The following SLC38A7 variants were observed in gnomAD, a reference collection of about 807,000 sequenced individuals.
The protein encoded by SLC38A7 is sodium-coupled neutral amino acid transporter 7.
In SLC38A7, 29 loss-of-function variants were observed where a neutral mutation model predicts 50.1. The observed-to-expected ratio is 0.58, with a 90% CI of 0.43 to 0.79. SLC38A7 has a LOEUF of 0.79. Ranked by LOEUF, SLC38A7 falls within the 30% of genes least tolerant of loss-of-function variation. The pLI is 0.00. For synonymous variants in SLC38A7, 244 were observed against 245.9 expected (o/e 0.99, Z 0.07); for missense variants, 483 against 610.6 (o/e 0.79, Z 2.20).
rs773478418 is a variant in SLC38A7, at chr16:58,671,173, C to T, written c.1103G>A (p.Arg368Gln). Residue 368 changes from arginine (R) to glutamine (Q), a missense_variant, in exon 10 of 12, where the codon CGG becomes CAG. Arg to Gln is a conservative substitution (Grantham distance 43). Transcript: ENST00000219320. ...GACCAGCGTCTGCAGCACTCGCCGC[C>T]GCCGCTCCCGCCCCACGTCCTCCTC... The part of the protein sequence containing the change: ...PVEEDVGRER[R>Q]RRVLQTLVWF... 26 of 1,613,806 alleles carry T rather than the reference C, an allele frequency of 1.6e-5. No individual in the cohort carries two copies. The East Asian group carries it at 4.2e-4, about 26-fold the overall frequency.
At chr16:58,668,990 G>A (rs938732932) in intron 11 of SLC38A7, among the ~76,000 whole-genome samples, 4 of 151,508 alleles carry the variant, frequency 2.6e-5, no homozygotes, top group African/African-American at 9.7e-5. Context: ...GGCTGGTCTC[G>A]AACTCCTGAC....
Position 58,678,270 on chromosome 16 carries a change from CCCT to C in SLC38A7, c.611+60_611+62del. On this transcript the variant is annotated intron_variant, in intron 5 of 11. Transcript: ENST00000219320. This position sits in a 1 kb window ranked among gnomAD's most constrained non-coding sequence, Gnocchi z 4.0. ...ATGGAGGAGCAGGGTTCCCCAGGAG[CCCT>C]TGGGTCTACAGCTGCCCAGGATCAT... 6.9e-7 allele frequency: 1 copy of C among 1,459,640 alleles called. No homozygotes were observed. The highest frequency in any genetic ancestry group is 9.1e-7 in the Non-Finnish European group (1 of 1,102,126). The allele number at this position is 1,459,640 out of a possible 1,614,324, so 90.4% of individuals were successfully genotyped here.
At position 58,680,007 on chromosome 16, in the gene SLC38A7, T is replaced by C; in HGVS notation, c.120A>G (p.Glu40=). 1.2e-6 allele frequency: 2 copies of C among 1,611,738 alleles called. No individual in the cohort carries two copies. Among genetic ancestry groups the C allele is most frequent in the Non-Finnish European group, 1.7e-6 (2 of 1,178,726 alleles). ...CVDTAPKSEW[E]ASPGGLDRGT... ...CTCTGTCCAGACCCCCAGGAGAGGCTTCCCACTCACTCTTGGGGGCTGTGT... is the reference window on the plus strand; with the variant it reads ...CTCTGTCCAGACCCCCAGGAGAGGCCTCCCACTCACTCTTGGGGGCTGTGT... Residue 40 remains glutamate (E), a synonymous_variant, in exon 3 of 12, where the codon GAA becomes GAG. Coordinates refer to ENST00000219320, the MANE Select transcript of SLC38A7 (RefSeq NM_018231.3).
At chr16:58,679,034 G>T in intron 3 of SLC38A7, 140 bp from the exon 4 acceptor site, 1 of 800,648 alleles carries the variant, frequency 1.2e-6, no homozygotes, top group Non-Finnish European at 1.9e-6. Flanking sequence ...GACTGCTAGA[G>T]GATGCCGAGT....
At chr16:58,675,045 A>T (rs1028537684) in intron 8 of SLC38A7, among the ~76,000 whole-genome samples, 5 of 151,930 alleles carry the variant, frequency 3.3e-5, no homozygotes. Flanking sequence ...AGCCACATAG[A>T]CTTTCTTCCT....
In SLC38A7 at chr16:58,684,081, TTGC is replaced by T. The variant is rs1389196361; in HGVS notation, c.-245_-243del. 1 of 152,352 alleles carries T rather than the reference TTGC, an allele frequency of 6.6e-6. No individual in the cohort carries two copies. Among genetic ancestry groups the T allele is most frequent in the African/African-American group, 2.4e-5 (1 of 41,460 alleles). The allele number at this position is 152,352 out of a possible 1,614,324, so 9.4% of individuals were successfully genotyped here. On this transcript the variant is annotated 5_prime_UTR_variant, in exon 2 of 12. Coordinates refer to ENST00000219320, the MANE Select transcript of SLC38A7 (RefSeq NM_018231.3). ...TCTTTCTCAAGACTTTGCCTAAAAT[TTGC>T]TGTCAGCAGAGGGAAGAGTTTGGGC...
At chr16:58,677,484 C>T in intron 5 of SLC38A7, 60 bp from the exon 6 acceptor site, 1 of 1,451,444 alleles carries the variant, frequency 6.9e-7, no homozygotes, top group Non-Finnish European at 9.7e-7. Flanking sequence ...TGATTCCACC[C>T]CTAGGGACAT....
In SLC38A7 at chr16:58,675,943, T is replaced by C. The variant is rs1341670520; in HGVS notation, c.880A>G (p.Thr294Ala). 1.2e-6 allele frequency: 2 copies of C among 1,608,938 alleles called. No individual in the cohort carries two copies. Among genetic ancestry groups the C allele is most frequent in the South Asian group, 1.1e-5 (1 of 90,272 alleles). ...CTTGGGGGGGGGGAGCACTCACCTGTCCCCATGTAGACAGCGAGGGCTATG... is the reference window on the plus strand; with the variant it reads ...CTTGGGGGGGGGGAGCACTCACCTGCCCCCATGTAGACAGCGAGGGCTATG... ...MVIALAVYMG[T>A]GICGFLTFGA... Residue 294 changes from threonine to alanine, a missense_variant, in exon 8 of 12, where the codon ACA becomes GCA. Thr to Ala is a moderately conservative substitution (Grantham distance 58). Coordinates refer to ENST00000219320, the MANE Select transcript of SLC38A7 (RefSeq NM_018231.3).
chr16:58,683,375 T>C (rs1270204713), intron 2 of SLC38A7, among the ~76,000 whole-genome samples: 1 of 152,144 alleles, frequency 6.6e-6, no homozygotes, highest in African/African-American at 2.4e-5. Context: ...CATCCACTCA[T>C]GAGAGGGAAA....
At chr16:58,670,337 G>T (rs1186670390) in intron 10 of SLC38A7, among the ~76,000 whole-genome samples, 170 bp from the exon 11 acceptor site, 1 of 152,218 alleles carries the variant, frequency 6.6e-6, no homozygotes, top group Non-Finnish European at 1.5e-5. Flanking sequence ...TCTGGCATCT[G>T]CTCTCCCATG....
intron 8 of SLC38A7, among the ~76,000 whole-genome samples, chr16:58,675,504 G>C (rs911227143): frequency 1.3e-5 from 2 of 152,182 alleles, no homozygotes; most frequent in Admixed American, 6.6e-5. Context: ...GACAGTTTCT[G>C]AGACCCTTTC....
chr16:58,682,944 T>C lies in SLC38A7; in HGVS notation c.-116+1011A>G, dbSNP rs369127278. Among the ~76,000 whole-genome samples, 51 of 151,322 alleles carry C rather than the reference T, an allele frequency of 3.4e-4. No homozygotes were observed. In the South Asian group the frequency reaches 0.01, roughly 31 times the overall value. The stretch of plus-strand genomic sequence containing the variant: ...CCTGGCCAACTTTTTAAATTTTTTG[T>C]TCCTGTGGGGAACAAAATTGGCCTT... On this transcript the variant is annotated intron_variant, in intron 2 of 11. Coordinates refer to ENST00000219320, the MANE Select transcript of SLC38A7 (RefSeq NM_018231.3).
At chr16:58,677,262 C>A in intron 6 of SLC38A7, 64 bp downstream of exon 6, 1 of 1,437,496 alleles carries the variant, frequency 7.0e-7, no homozygotes, top group Non-Finnish European at 9.8e-7. Flanking sequence ...GGTTCCTGAC[C>A]CAGCACCTGC....
chr16:58,681,502 T>C (rs1372450678), intron 2 of SLC38A7: 3 of 152,130 alleles, frequency 2.0e-5, no homozygotes, highest in African/African-American at 7.2e-5. Flanking sequence ...TTCAGTGTTC[T>C]CAAGGTTCAG....
intron 10 of SLC38A7, 63 bp downstream of exon 10, chr16:58,670,982 G>A: frequency 6.5e-7 from 1 of 1,534,700 alleles, no homozygotes; most frequent in Non-Finnish European, 8.8e-7. Flanking sequence ...AGGGAGCTGA[G>A]GCTAGGCAGG....
At position 58,667,585 on chromosome 16, in the gene SLC38A7, TCTC is replaced by T. The variant is rs2044066051; in HGVS notation, c.1287-101_1287-99del. The T allele has an allele frequency of 7.4e-6, 7 of 943,092 alleles. No individual in the cohort carries two copies. In the East Asian group the frequency reaches 1.7e-4, roughly 23 times the overall value. 58.4% of individuals were successfully genotyped at this position (943,092 alleles called of 1,614,324 possible). On this transcript the variant is annotated intron_variant, in intron 11 of 11. Transcript: ENST00000219320. The stretch of plus-strand genomic sequence containing the variant: ...TGTTAATTACTGTAATTATCGCACT[TCTC>T]CTGTTGGTAGAGCACTTCCTACTTC...
chr16:58,671,172 C>G lies in SLC38A7; in HGVS notation c.1104G>C (p.Arg368=). ...AGACCAGCGTCTGCAGCACTCGCCG[C>G]CGCCGCTCCCGCCCCACGTCCTCCT... ...PVEEDVGRER[R]RRVLQTLVWF... Residue 368 remains arginine, a synonymous_variant, in exon 10 of 12, where the codon CGG becomes CGC. Coordinates refer to ENST00000219320, the MANE Select transcript of SLC38A7 (RefSeq NM_018231.3). 6.2e-7 allele frequency: 1 copy of G among 1,613,916 alleles called. No homozygotes were observed. Among genetic ancestry groups the G allele is most frequent in the Non-Finnish European group, 8.5e-7 (1 of 1,179,916 alleles).
intron 6 of SLC38A7, 77 bp from the exon 7 acceptor site, chr16:58,676,423 G>T: frequency 6.6e-7 from 1 of 1,516,622 alleles, no homozygotes; most frequent in Admixed American, 1.7e-5. Flanking sequence ...TCACTCTTCG[G>T]TCAGCCCACC....
At position 58,670,182 on chromosome 16, in the gene SLC38A7, G is replaced by A. The variant is rs763464958; in HGVS notation, c.1232-15C>T. On this transcript the variant is annotated splice_polypyrimidine_tract_variant and intron_variant, in intron 10 of 11. Coordinates refer to ENST00000219320, the MANE Select transcript of SLC38A7 (RefSeq NM_018231.3). The stretch of plus-strand genomic sequence containing the variant: ...GAGGCACAGCCCTGAAAGAGAAGAA[G>A]TGGCCCTGAGCATTTGTGAGGGGAG... 2.2e-5 allele frequency: 35 copies of A among 1,613,892 alleles called. No individual in the cohort carries two copies. The highest frequency in any genetic ancestry group is 3.0e-5 in the Non-Finnish European group (35 of 1,179,906).
Sources: gnomAD v4.1 joint callset for allele counts (sites outside exome capture counted in the v4.1 genomes callset) on GRCh38, gnomAD v4.1.1 for gene constraint, Gnocchi (gnomAD v3.1) non-coding constraint, MANE v1.5 for transcripts, NCBI Gene and HGNC (gene_info 2026-07-23, HGNC 2026-07-21) for gene names.